CROCC2: variants seen among roughly 807,000 people sequenced by gnomAD.
CROCC2 encodes the protein ciliary rootlet coiled-coil protein 2.
In CROCC2, 163 loss-of-function variants were observed where a neutral mutation model predicts 177.6. The ratio of observed to expected loss-of-function variants is 0.92; its 90% CI spans 0.81 to 1.05. The LOEUF is 1.05. Ranked by LOEUF, CROCC2 falls within the 50% of genes least tolerant of loss-of-function variation. The pLI, the probability that CROCC2 is intolerant of heterozygous loss-of-function variation, is 0.00. For synonymous variants in CROCC2, 904 were observed against 787.3 expected, an observed-to-expected ratio of 1.15 and a Z score of -2.48; for missense variants, 1,929 against 1,797.8, an observed-to-expected ratio of 1.07 and a Z score of -1.32.
chr2:240,927,040 C>G (rs2059399620), intron 5 of CROCC2, among the ~76,000 whole-genome samples: 1 of 152,250 alleles, frequency 6.6e-6, no homozygotes, highest in African/African-American at 2.4e-5. Flanking sequence ...TCACCCAGGT[C>G]TTTATTTTCC....
intron 10 of CROCC2, 29 bp from the exon 11 acceptor site, chr2:240,933,641 C>T (rs946896950): frequency 2.0e-5 from 31 of 1,547,320 alleles, no homozygotes; most frequent in Middle Eastern, 3.4e-4. Flanking sequence ...TGTCCAGGGC[C>T]GCCCCAACTC....
rs368821786 is a variant in CROCC2 at position 240,918,277 on chromosome 2, G to A, written c.79-449G>A. ...ACACACTGGGCTCTGTGACTGCTGC[G>A]TGGGATCTAGGTCCCTCCTCTGGCC... On this transcript the variant is annotated intron_variant, in intron 1 of 31. Coordinates refer to ENST00000690015, the MANE Select transcript of CROCC2 (RefSeq NM_001351305.2). This position sits in a 1 kb window ranked among gnomAD's most constrained non-coding sequence, Gnocchi z 6.3. 6.6e-6 allele frequency among the ~76,000 whole-genome samples: 1 copy of A among 152,080 alleles called. No individual in the cohort carries two copies. Among genetic ancestry groups the A allele is most frequent in the Non-Finnish European group, 1.5e-5 (1 of 68,012 alleles).
At chr2:240,983,066 A>G in intron 28 of CROCC2, 37 bp downstream of exon 28, 1 of 1,539,954 alleles carries the variant, frequency 6.5e-7, no homozygotes, top group Non-Finnish European at 8.8e-7. Context: ...CGCTGTCACC[A>G]GGAGGCGGTG....
chr2:240,918,631 G>T lies in CROCC2; in HGVS notation c.79-95G>T. 1 of 495,246 alleles carries T rather than the reference G, an allele frequency of 2.0e-6. No homozygotes were observed. Among genetic ancestry groups the T allele is most frequent in the Non-Finnish European group, 3.6e-6 (1 of 279,310 alleles). The allele number at this position is 495,246 out of a possible 1,614,324, so 30.7% of individuals were successfully genotyped here. A position where few individuals can be genotyped will look rare whatever the true frequency, so the allele number is the denominator to read the frequency against. On this transcript the variant is annotated intron_variant, in intron 1 of 31. Coordinates refer to ENST00000690015, the MANE Select transcript of CROCC2 (RefSeq NM_001351305.2). The surrounding 1 kb of genome is among the most constrained non-coding windows in gnomAD (Gnocchi z 6.3). ...CCAGGGCACTCTGCTGCCTTGGGGTGGCCCTGTGGCGGCTCCCATTCAGTG... is the reference window on the plus strand; with the variant it reads ...CCAGGGCACTCTGCTGCCTTGGGGTTGCCCTGTGGCGGCTCCCATTCAGTG...
Position 240,972,890 on chromosome 2 carries a change from C to T in CROCC2, c.4401+4628C>T, listed in dbSNP as rs745358756. 6.6e-6 allele frequency among the ~76,000 whole-genome samples: 1 copy of T among 151,982 alleles called. No homozygotes were observed. The highest frequency in any genetic ancestry group is 1.5e-5 in the Non-Finnish European group (1 of 67,998). ...AGACACACCTAAGTCACCAGAGGCC[C>T]CCGCTTTTGACACACAGCAAACCCA... On this transcript the variant is annotated intron_variant, in intron 27 of 31. Transcript: ENST00000690015. The surrounding 1 kb of genome is among the most constrained non-coding windows in gnomAD (Gnocchi z 7.1).
In CROCC2 at chr2:240,935,421, G is replaced by A; in HGVS notation, c.2002G>A (p.Ala668Thr). The change falls in exon 14 of 32, where the codon GCC (alanine) becomes ACC (threonine). Residue 668 changes from alanine (A) to threonine (T), a missense_variant. By Grantham distance (58) the Ala-to-Thr change is moderately conservative. Transcript: ENST00000690015. ...GACTCTGGAGCAGGAACGGGCCCGG[G>A]CCGGGGAGCAGCTGGCACAGGCGGA... ...RKTLEQERAR[A>T]GEQLAQAEQQ... The A allele has an allele frequency of 7.3e-7, 1 of 1,379,130 alleles. No homozygotes were observed. The highest frequency in any genetic ancestry group is 9.4e-7 in the Non-Finnish European group (1 of 1,060,850). 85.4% of individuals were successfully genotyped at this position (1,379,130 alleles called of 1,614,324 possible). A position where few individuals can be genotyped will look rare whatever the true frequency, so the allele number is the denominator to read the frequency against.
intron 31 of CROCC2, among the ~76,000 whole-genome samples, chr2:240,992,179 G>T (rs2059884466): frequency 6.6e-6 from 1 of 152,218 alleles, no homozygotes; most frequent in African/African-American, 2.4e-5. Context: ...CATCACCGTT[G>T]CTCAGAGTGA....
chr2:240,956,992 C>G (rs1208798877), intron 19 of CROCC2, among the ~76,000 whole-genome samples: 4 of 152,112 alleles, frequency 2.6e-5, no homozygotes, highest in Non-Finnish European at 4.4e-5. Context: ...GCCCAGGCGG[C>G]CTGAGGAGAG....
intron 27 of CROCC2, among the ~76,000 whole-genome samples, chr2:240,970,466 T>C (rs893492292): frequency 6.6e-6 from 1 of 152,236 alleles, no homozygotes; most frequent in Admixed American, 6.5e-5. Flanking sequence ...CCGTGTGTCT[T>C]TCCTGCCTGT....
chr2:240,986,443 T>C (rs1165334667), intron 28 of CROCC2, among the ~76,000 whole-genome samples: 1 of 149,770 alleles, frequency 6.7e-6, no homozygotes, highest in Non-Finnish European at 1.5e-5. Context: ...AGCCTCAGAG[T>C]GGCCGCCAAG....
In CROCC2 at chr2:240,987,471, G is replaced by A. The variant is rs569297387; in HGVS notation, c.4552-1268G>A. Among the ~76,000 whole-genome samples the A allele has an allele frequency of 5.6e-4, 85 of 152,290 alleles. 1 individual carries two copies. Among genetic ancestry groups the A allele is most frequent in the Admixed American group, 4.6e-3 (71 of 15,296 alleles). ...AAACAGGACTTCCTTTTTCAGTGCA[G>A]GGGACTCTCTGTTTTTCTCAGTCCT... On this transcript the variant is annotated intron_variant, in intron 28 of 31. Transcript: ENST00000690015.
At chr2:240,950,711 C>A in intron 18 of CROCC2, 1 of 552,840 alleles carries the variant, frequency 1.8e-6, no homozygotes, top group Non-Finnish European at 3.2e-6. Context: ...ATTCATTCAC[C>A]CATCCATCCA....
Position 240,933,772 on chromosome 2 carries a change from G to C in CROCC2, c.1566G>C (p.Gln522His). 1 of 1,549,538 alleles carries C rather than the reference G, an allele frequency of 6.5e-7. No homozygotes were observed. The highest frequency in any genetic ancestry group is 8.7e-7 in the Non-Finnish European group (1 of 1,146,802). Residue 522 changes from glutamine (Q) to histidine (H), a missense_variant, in exon 11 of 32, where the codon CAG becomes CAC. By Grantham distance (24) the Gln-to-His change is conservative. Transcript: ENST00000690015. The part of the protein sequence containing the change: ...QGLEAEAAEL[Q>H]RSLLLQAERR... Reference sequence around the variant, plus strand: ...TGGAGGCCGAGGCTGCAGAGCTGCAGAGAAGCCTCCTGCTGCAGGCAGAGC... The same window carrying C: ...TGGAGGCCGAGGCTGCAGAGCTGCACAGAAGCCTCCTGCTGCAGGCAGAGC...
Position 240,935,476 on chromosome 2 carries a change from G to T in CROCC2, c.2057G>T (p.Arg686Leu), listed in dbSNP as rs78656795. Residue 686 changes from arginine (R) to leucine (L), a missense_variant, in exon 14 of 32, where the codon CGC becomes CTC. This residue lies in a region of CROCC2 where 1,397 missense variants were observed against 1,239.9 expected (regional missense o/e 1.13). Transcript: ENST00000690015. ...EQQLALERAE[R>L]RGLQQACGRL... Reference sequence around the variant, plus strand: ...CAGCTGGCGCTGGAGCGGGCAGAGCGCAGGGGCCTGCAGCAGGCCTGCGGA... The same window carrying T: ...CAGCTGGCGCTGGAGCGGGCAGAGCTCAGGGGCCTGCAGCAGGCCTGCGGA... 2.9e-6 allele frequency: 4 copies of T among 1,358,374 alleles called. No homozygotes were observed. The highest frequency in any genetic ancestry group is 1.5e-5 in the African/African-American group (1 of 65,580). The allele number at this position is 1,358,374 out of a possible 1,614,324, so 84.1% of individuals were successfully genotyped here.
rs1428713006 is a variant in CROCC2, at chr2:240,960,600, C to T, written c.3087+1156C>T. On this transcript the variant is annotated intron_variant, in intron 20 of 31. Coordinates refer to ENST00000690015, the MANE Select transcript of CROCC2 (RefSeq NM_001351305.2). The surrounding 1 kb of genome is among the most constrained non-coding windows in gnomAD (Gnocchi z 5.0). The stretch of plus-strand genomic sequence containing the variant: ...GGAGCCCCAGCGGGGCCCACGGGGA[C>T]GGGGCGACCTCGCACACTCCCTGGG... 2.0e-5 allele frequency among the ~76,000 whole-genome samples: 3 copies of T among 152,026 alleles called. No individual in the cohort carries two copies. The highest frequency in any genetic ancestry group is 4.8e-5 in the African/African-American group (2 of 41,410).
At chr2:240,930,650 T>C (rs1438548578) in intron 6 of CROCC2, among the ~76,000 whole-genome samples, 4 of 151,986 alleles carry the variant, frequency 2.6e-5, no homozygotes, top group Admixed American at 2.6e-4. Context: ...AGCCCTTAGG[T>C]ACGTAGCAGC....
chr2:240,937,748 T>C (rs1341591042), intron 14 of CROCC2, among the ~76,000 whole-genome samples: 2 of 152,184 alleles, frequency 1.3e-5, no homozygotes, highest in Non-Finnish European at 2.9e-5. Flanking sequence ...CCAGGTGATA[T>C]GGTTTGAATC....
rs1371905213 is a variant in CROCC2 at position 240,988,799 on chromosome 2, C to G, written c.4612C>G (p.Gln1538Glu). ...GGCGAGGCTGGGGGCTGAGAAGGAGCAGCTGGACCAGTCTCTGAACAGCCT... is the reference window on the plus strand; with the variant it reads ...GGCGAGGCTGGGGGCTGAGAAGGAGGAGCTGGACCAGTCTCTGAACAGCCT... The part of the protein sequence containing the change: ...DVARLGAEKE[Q>E]LDQSLNSLHQ... The change falls in exon 29 of 32, where the codon CAG becomes GAG. Residue 1538 changes from glutamine to glutamate, a missense_variant. Around this residue, in one of 3 missense-constraint regions of CROCC2, gnomAD observed 388 missense variants for 352.7 expected, o/e 1.10. Transcript: ENST00000690015. 6.6e-7 allele frequency: 1 copy of G among 1,516,336 alleles called. No individual in the cohort carries two copies. The highest frequency in any genetic ancestry group is 8.9e-7 in the Non-Finnish European group (1 of 1,127,016). 93.9% of individuals were successfully genotyped at this position (1,516,336 alleles called of 1,614,324 possible). A position where few individuals can be genotyped will look rare whatever the true frequency, so the allele number is the denominator to read the frequency against.
chr2:240,966,201 C>A, intron 24 of CROCC2, 24 bp from the exon 25 acceptor site: 1 of 1,091,808 alleles, frequency 9.2e-7, no homozygotes, highest in Non-Finnish European at 1.2e-6. Flanking sequence ...CTGTCCACGA[C>A]CCCTCCGCTG....
Sources: gnomAD v4.1 joint callset for allele counts (sites outside exome capture counted in the v4.1 genomes callset) on GRCh38, gnomAD v4.1.1 for gene constraint, gnomAD v4.1.1 regional missense constraint, Gnocchi (gnomAD v3.1) non-coding constraint, MANE v1.5 for transcripts, NCBI Gene and HGNC (gene_info 2026-07-23, HGNC 2026-07-21) for gene names.